Variants in PGM5 observed in about 807,000 individuals in gnomAD.
PGM5 encodes phosphoglucomutase-like protein 5.
PGM5 carries 23 observed loss-of-function variants against 59.2 expected under a neutral mutation model. The ratio of observed to expected loss-of-function variants is 0.39; its 90% CI spans 0.28 to 0.55. The LOEUF (loss-of-function observed/expected upper bound fraction) is 0.55. Ranked by LOEUF, PGM5 falls within the 20% of genes least tolerant of loss-of-function variation. The pLI is 0.66. For synonymous variants in PGM5, 214 were observed against 286.0 expected, an observed-to-expected ratio of 0.75 and a Z score of 2.54; for missense variants, 574 against 748.3, an observed-to-expected ratio of 0.77 and a Z score of 2.72.
chr9:68,519,917 A>AAAT (rs1824874628), intron 10 of PGM5, among the ~76,000 whole-genome samples: 1 of 149,266 alleles, frequency 6.7e-6, no homozygotes, highest in Non-Finnish European at 1.5e-5. Context: ...ATAAATAAAT[A>AAAT]AATAAATAAA....
chr9:68,496,259 C>T (rs986028867), intron 9 of PGM5, among the ~76,000 whole-genome samples: 5 of 152,166 alleles, frequency 3.3e-5, no homozygotes, highest in African/African-American at 1.2e-4. Flanking sequence ...GAACATGGCT[C>T]GTGTCTGGGT....
intron 1 of PGM5, among the ~76,000 whole-genome samples, 173 bp downstream of exon 1, chr9:68,357,561 C>T (rs1834484492): frequency 6.6e-6 from 1 of 152,174 alleles, no homozygotes; most frequent in African/African-American, 2.4e-5. Context: ...CGCTCGCAGC[C>T]TCCCCGGTGC....
At chr9:68,399,786 T>C (rs879980923) in intron 6 of PGM5, among the ~76,000 whole-genome samples, 38 of 152,204 alleles carry the variant, frequency 2.5e-4, no homozygotes, top group Non-Finnish European at 4.7e-4. Flanking sequence ...CTGAGTTCGA[T>C]AGCCAAATTG....
intron 1 of PGM5, among the ~76,000 whole-genome samples, chr9:68,360,419 G>A (rs1234745903): frequency 6.6e-6 from 1 of 150,948 alleles, no homozygotes; most frequent in Non-Finnish European, 1.5e-5. Flanking sequence ...CCCATGGAGT[G>A]ATGGAGAATA....
chr9:68,499,341 G>T lies in PGM5; in HGVS notation c.1594G>T (p.Gly532Cys), dbSNP rs182577861. ...YAESYERDPSGHDQEPQAVLS... is the reference protein window; with the variant it reads ...YAESYERDPSCHDQEPQAVLS... ...AGAGAGCTACGAGAGGGATCCCAGC[G>T]GCCATGACCAGGAGCCACAGGTACA... Residue 532 changes from glycine to cysteine, a missense_variant, in exon 10 of 11, where the codon GGC becomes TGC. Around this residue, in one of 7 missense-constraint regions of PGM5, gnomAD observed 300 missense variants for 280.0 expected, o/e 1.07. Coordinates refer to ENST00000396396, the MANE Select transcript of PGM5 (RefSeq NM_021965.4). 7.4e-6 allele frequency: 12 copies of T among 1,614,034 alleles called. No homozygotes were observed. The highest frequency in any genetic ancestry group is 6.7e-5 in the Admixed American group (4 of 60,022).
intron 9 of PGM5, 135 bp from the exon 10 acceptor site, chr9:68,499,092 C>T: frequency 2.2e-6 from 2 of 908,648 alleles, no homozygotes; most frequent in Middle Eastern, 2.2e-4. Flanking sequence ...GCCCTGTATC[C>T]AGAGCCAATA....
chr9:68,377,680 C>A (rs1821957020), intron 1 of PGM5, among the ~76,000 whole-genome samples: 1 of 152,212 alleles, frequency 6.6e-6, no homozygotes, highest in Non-Finnish European at 1.5e-5. Context: ...AAAGAGAATT[C>A]CTACTTTCAG....
At chr9:68,416,568 A>G (rs1823035717) in intron 6 of PGM5, among the ~76,000 whole-genome samples, 1 of 152,236 alleles carries the variant, frequency 6.6e-6, no homozygotes, top group African/African-American at 2.4e-5. Flanking sequence ...ACTCCTGGGG[A>G]ACCAAATTAA....
At chr9:68,371,588 C>A (rs544997157) in intron 1 of PGM5, 2 of 152,214 alleles carry the variant, frequency 1.3e-5, no homozygotes, top group East Asian at 1.9e-4. Flanking sequence ...ATTTTAACAA[C>A]CCTCTTCTTT....
chr9:68,528,234 A>C (rs148275036), intron 10 of PGM5, among the ~76,000 whole-genome samples: 1 of 151,802 alleles, frequency 6.6e-6, no homozygotes, highest in Non-Finnish European at 1.5e-5. Context: ...TTTATTTTTT[A>C]TTTTATTTTT....
intron 1 of PGM5, among the ~76,000 whole-genome samples, chr9:68,366,583 A>G (rs1834683425): frequency 6.6e-6 from 1 of 152,294 alleles, no homozygotes; most frequent in Non-Finnish European, 1.5e-5. Flanking sequence ...TATCTATTCC[A>G]TATACATCTC....
intron 7 of PGM5, among the ~76,000 whole-genome samples, chr9:68,470,685 T>C (rs966163146): frequency 1.3e-5 from 2 of 152,256 alleles, no homozygotes; most frequent in African/African-American, 4.8e-5. Flanking sequence ...AGGCCATATA[T>C]CCATGCATTT....
intron 6 of PGM5, among the ~76,000 whole-genome samples, chr9:68,425,764 G>T (rs1314526011): frequency 6.6e-6 from 1 of 152,026 alleles, no homozygotes; most frequent in Non-Finnish European, 1.5e-5. Flanking sequence ...ATGATAATTT[G>T]TTAAATTTTA....
chr9:68,502,677 ATTTG>A (rs3064031), intron 10 of PGM5, among the ~76,000 whole-genome samples: 10,208 of 151,676 alleles, frequency 0.067, 418 homozygotes, highest in Middle Eastern at 0.1. Flanking sequence ...GAATTTAAGT[ATTTG>A]TTTGTTTGTT....
At chr9:68,463,071 AAT>A (rs1564011975) in intron 6 of PGM5, among the ~76,000 whole-genome samples, 2 of 152,172 alleles carry the variant, frequency 1.3e-5, no homozygotes, top group African/African-American at 4.8e-5. Context: ...AGTGCTTTTC[AAT>A]GCAAACTGGA....
intron 6 of PGM5, among the ~76,000 whole-genome samples, chr9:68,446,282 C>A (rs1476449096): frequency 1.3e-5 from 2 of 152,214 alleles, no homozygotes; most frequent in Non-Finnish European, 2.9e-5. Context: ...GAGGACATTA[C>A]CACAATGTTT....
chr9:68,371,346 A>T (rs1587772589), intron 1 of PGM5, among the ~76,000 whole-genome samples: 1 of 152,198 alleles, frequency 6.6e-6, no homozygotes, highest in Non-Finnish European at 1.5e-5. Flanking sequence ...AAGGATAATT[A>T]TGTAAGTAGA....
At chr9:68,485,401 G>C (rs1395585075) in intron 9 of PGM5, among the ~76,000 whole-genome samples, 1 of 152,146 alleles carries the variant, frequency 6.6e-6, no homozygotes, top group Non-Finnish European at 1.5e-5. Context: ...GGACCAGGTG[G>C]GAGGTAATTG....
intron 9 of PGM5, among the ~76,000 whole-genome samples, chr9:68,485,988 G>A (rs1281621796): frequency 6.6e-6 from 1 of 152,194 alleles, no homozygotes; most frequent in Non-Finnish European, 1.5e-5. Context: ...TCCCTGCATA[G>A]CAGTGTTGTT....
Sources: gnomAD v4.1 joint callset for allele counts (sites outside exome capture counted in the v4.1 genomes callset) on GRCh38, gnomAD v4.1.1 for gene constraint, gnomAD v4.1.1 regional missense constraint, MANE v1.5 for transcripts, NCBI Gene and HGNC (gene_info 2026-07-23, HGNC 2026-07-21) for gene names.